Variants in C15orf61 observed in about 807,000 individuals in gnomAD.
The protein encoded by C15orf61 is chromosome 15 open reading frame 61.
C15orf61 carries 12 observed loss-of-function variants against 13.7 expected under a neutral mutation model. That is an observed-to-expected ratio of 0.88 (90% confidence interval 0.56 to 1.42). C15orf61 has a LOEUF of 1.42. C15orf61 is among the 40% of genes most tolerant of loss of function. The pLI is 0.00. For synonymous variants in C15orf61, 92 were observed against 94.1 expected (o/e 0.98, Z 0.13); for missense variants, 248 against 213.2 (o/e 1.16, Z -1.02).
At chr15:67,524,724 G>A (rs1341820922) in intron 1 of C15orf61, among the ~76,000 whole-genome samples, 1 of 152,052 alleles carries the variant, frequency 6.6e-6, no homozygotes, top group East Asian at 1.9e-4. Flanking sequence ...AGCACAAAGT[G>A]GTTCAGCAAA....
intron 1 of C15orf61, chr15:67,522,116 C>T (rs1183307465): frequency 1.4e-6 from 1 of 701,786 alleles, no homozygotes; most frequent in Admixed American, 2.0e-5. Context: ...ATAACAGCTT[C>T]CTGAGGTGCT....
chr15:67,521,566 C>T lies in C15orf61; in HGVS notation c.318C>T (p.Phe106=). ...PWQDLARQNR[F]FTALKVVNLG... ...AGGACCTGGCCCGGCAGAACCGCTT[C>T]TTCACGGCGCTCAAGGTCGTCAACC... Residue 106 remains phenylalanine, a synonymous_variant, in exon 1 of 2, where the codon TTC becomes TTT. Coordinates refer to ENST00000342683, the MANE Select transcript of C15orf61 (RefSeq NM_001143936.2). 2 of 1,539,780 alleles carry T rather than the reference C, an allele frequency of 1.3e-6. No individual in the cohort carries two copies. Among genetic ancestry groups the T allele is most frequent in the Non-Finnish European group, 1.8e-6 (2 of 1,140,516 alleles).
Position 67,528,755 on chromosome 15 carries a change from CCTTT to C in C15orf61, c.*2211_*2214del, listed in dbSNP as rs564991591. 1 of 152,164 alleles carries C rather than the reference CCTTT, an allele frequency of 6.6e-6. No individual in the cohort carries two copies. The highest frequency in any genetic ancestry group is 1.5e-5 in the Non-Finnish European group (1 of 68,030). 9.4% of individuals were successfully genotyped at this position (152,164 alleles called of 1,614,324 possible). On this transcript the variant is annotated 3_prime_UTR_variant, in exon 2 of 2. Coordinates refer to ENST00000342683, the MANE Select transcript of C15orf61 (RefSeq NM_001143936.2). ...TTGACCTCAGGCTAATAACTCTCCT[CCTTT>C]GTGTCTTGGTTTTTCCACCTGTAAT...
intron 1 of C15orf61, chr15:67,522,337 A>C: frequency 1.5e-6 from 1 of 669,360 alleles, no homozygotes. Context: ...CATAAAATCA[A>C]TCTAGATTTC....
At chr15:67,521,821 C>G in intron 1 of C15orf61, 1 of 614,460 alleles carries the variant, frequency 1.6e-6, no homozygotes, top group Non-Finnish European at 2.9e-6. Context: ...GGCGCGTCCT[C>G]GGGCCTAGGG....
rs914891333 is a variant in C15orf61, at chr15:67,528,414, A to C, written c.*1869A>C. On this transcript the variant is annotated 3_prime_UTR_variant, in exon 2 of 2. Transcript: ENST00000342683. ...TTGTCTGATGTGCTCACTGTATAAC[A>C]AGTAAATGTAATATTTTCTTGTATT... 1 of 152,224 alleles carries C rather than the reference A, an allele frequency of 6.6e-6. No individual in the cohort carries two copies. Among genetic ancestry groups the C allele is most frequent in the African/African-American group, 2.4e-5 (1 of 41,452 alleles). 9.4% of individuals were successfully genotyped at this position (152,224 alleles called of 1,614,324 possible).
rs556459555 is a variant in C15orf61, at chr15:67,530,115, G to C, written c.*3570G>C. ...AAAATGTAACTGCACTTTGCTGAAA[G>C]ATCAATGTCCAATAAAGGCTGCACG... On this transcript the variant is annotated 3_prime_UTR_variant, in exon 2 of 2. Transcript: ENST00000342683. 6.6e-6 allele frequency: 1 copy of C among 152,314 alleles called. No homozygotes were observed. Among genetic ancestry groups the C allele is most frequent in the African/African-American group, 2.4e-5 (1 of 41,568 alleles). 9.4% of individuals were successfully genotyped at this position (152,314 alleles called of 1,614,324 possible).
rs1175074322 is a variant in C15orf61, at chr15:67,527,421, C to T, written c.*876C>T. On this transcript the variant is annotated 3_prime_UTR_variant, in exon 2 of 2. Transcript: ENST00000342683. ...ATTAACTTAATTGCATTTTTGAAAGCCAAGTCATTTAAAAAAATGTATCCT... is the reference window on the plus strand; with the variant it reads ...ATTAACTTAATTGCATTTTTGAAAGTCAAGTCATTTAAAAAAATGTATCCT... 6.6e-6 allele frequency: 1 copy of T among 151,960 alleles called. No homozygotes were observed. Among genetic ancestry groups the T allele is most frequent in the Non-Finnish European group, 1.5e-5 (1 of 67,950 alleles). The allele number at this position is 151,960 out of a possible 1,614,324, so 9.4% of individuals were successfully genotyped here.
In C15orf61 at chr15:67,521,324, G is replaced by T; in HGVS notation, c.76G>T (p.Ala26Ser). Reference protein sequence around the residue: ...LCRPWASRAAARPKPSASEVL... With the variant: ...LCRPWASRAASRPKPSASEVL... ...TAGGCCGTGGGCCTCGCGCGCCGCC[G>T]CCCGCCCCAAGCCCAGCGCCTCGGA... Residue 26 changes from alanine (A) to serine (S), a missense_variant, in exon 1 of 2, where the codon GCC (alanine) becomes TCC (serine). Transcript: ENST00000342683. 6.5e-7 allele frequency: 1 copy of T among 1,529,386 alleles called. No individual in the cohort carries two copies. The allele number at this position is 1,529,386 out of a possible 1,614,324, so 94.7% of individuals were successfully genotyped here.
rs2140929492 is a variant in C15orf61, at chr15:67,528,896, T to TA, written c.*2354dup. 6.6e-6 allele frequency: 1 copy of TA among 152,328 alleles called. No individual in the cohort carries two copies. The highest frequency in any genetic ancestry group is 2.1e-4 in the South Asian group (1 of 4,826). 9.4% of individuals were successfully genotyped at this position (152,328 alleles called of 1,614,324 possible). A position where few individuals can be genotyped will look rare whatever the true frequency, so the allele number is the denominator to read the frequency against. On this transcript the variant is annotated 3_prime_UTR_variant, in exon 2 of 2. Transcript: ENST00000342683. ...CCACATTCTTCTGCTCCATTATACT[T>TA]AAAGGACTTCATTAATTAAAAAATT...
chr15:67,522,790 C>T (rs2084175829), intron 1 of C15orf61, among the ~76,000 whole-genome samples: 2 of 152,142 alleles, frequency 1.3e-5, no homozygotes, highest in Admixed American at 6.5e-5. Context: ...AATCATTCTT[C>T]CCTAAAGAAT....
At position 67,530,047 on chromosome 15, in the gene C15orf61, G is replaced by C. The variant is rs914668979; in HGVS notation, c.*3502G>C. On this transcript the variant is annotated 3_prime_UTR_variant, in exon 2 of 2. Coordinates refer to ENST00000342683, the MANE Select transcript of C15orf61 (RefSeq NM_001143936.2). Reference sequence around the variant, plus strand: ...GCATTACATCTCACCTGGGTCAACAGTCTAGAGTATCAGAGTTAAACTCTG... The same window carrying C: ...GCATTACATCTCACCTGGGTCAACACTCTAGAGTATCAGAGTTAAACTCTG... 6.6e-6 allele frequency: 1 copy of C among 152,238 alleles called. No homozygotes were observed. The highest frequency in any genetic ancestry group is 2.4e-5 in the African/African-American group (1 of 41,458). The allele number at this position is 152,238 out of a possible 1,614,324, so 9.4% of individuals were successfully genotyped here. A position where few individuals can be genotyped will look rare whatever the true frequency, so the allele number is the denominator to read the frequency against.
At chr15:67,522,490 CTG>C (rs1596528239) in intron 1 of C15orf61, among the ~76,000 whole-genome samples, 1 of 152,228 alleles carries the variant, frequency 6.6e-6, no homozygotes, top group African/African-American at 2.4e-5. Flanking sequence ...TAAAAATAGT[CTG>C]TGTATTTGTG....
chr15:67,526,560 G>C lies in C15orf61; in HGVS notation c.*15G>C. ...CCATGTATTGAAAGTGTGCGTCAAA[G>C]AACATAAATATCAGTGGATTTTCTC... On this transcript the variant is annotated 3_prime_UTR_variant, in exon 2 of 2. Coordinates refer to ENST00000342683, the MANE Select transcript of C15orf61 (RefSeq NM_001143936.2). The C allele has an allele frequency of 4.7e-6, 7 of 1,498,704 alleles. No homozygotes were observed. Among genetic ancestry groups the C allele is most frequent in the Non-Finnish European group, 6.2e-6 (7 of 1,120,802 alleles). The allele number at this position is 1,498,704 out of a possible 1,614,324, so 92.8% of individuals were successfully genotyped here. A position where few individuals can be genotyped will look rare whatever the true frequency, so the allele number is the denominator to read the frequency against.
intron 1 of C15orf61, chr15:67,522,051 G>A (rs1267626701): frequency 1.4e-6 from 1 of 700,430 alleles, no homozygotes. Flanking sequence ...TGTTTTCTTT[G>A]TATGAATTCC....
In C15orf61 at chr15:67,521,595, G is replaced by T; in HGVS notation, c.346+1G>T. The T allele has an allele frequency of 7.2e-6, 11 of 1,518,994 alleles. No individual in the cohort carries two copies. The highest frequency in any genetic ancestry group is 9.8e-6 in the Non-Finnish European group (11 of 1,126,134). The allele number at this position is 1,518,994 out of a possible 1,614,324, so 94.1% of individuals were successfully genotyped here. A position where few individuals can be genotyped will look rare whatever the true frequency, so the allele number is the denominator to read the frequency against. On this transcript the variant is annotated splice_donor_variant, in intron 1 of 1. Transcript: ENST00000342683. LOFTEE classifies it high-confidence loss of function. The stretch of plus-strand genomic sequence containing the variant: ...ACGGCGCTCAAGGTCGTCAACCTCG[G>T]TGAGTGGCGACTGCCGCGCCCACGC...
chr15:67,521,626 A>G, intron 1 of C15orf61, 32 bp downstream of exon 1: 1 of 1,461,526 alleles, frequency 6.8e-7, no homozygotes, highest in African/African-American at 1.4e-5. Context: ...CACGCGGTGA[A>G]GCCCGCCCGG....
chr15:67,528,772 T>C lies in C15orf61; in HGVS notation c.*2227T>C. On this transcript the variant is annotated 3_prime_UTR_variant, in exon 2 of 2. Transcript: ENST00000342683. ...ACTCTCCTCCTTTGTGTCTTGGTTTTTCCACCTGTAATCTGAGAAGAACGA... is the reference window on the plus strand; with the variant it reads ...ACTCTCCTCCTTTGTGTCTTGGTTTCTCCACCTGTAATCTGAGAAGAACGA... 1 of 152,222 alleles carries C rather than the reference T, an allele frequency of 6.6e-6. No homozygotes were observed. Among genetic ancestry groups the C allele is most frequent in the East Asian group, 1.9e-4 (1 of 5,202 alleles). The allele number at this position is 152,222 out of a possible 1,614,324, so 9.4% of individuals were successfully genotyped here. A position where few individuals can be genotyped will look rare whatever the true frequency, so the allele number is the denominator to read the frequency against.
Position 67,526,759 on chromosome 15 carries a change from A to G in C15orf61, c.*214A>G, listed in dbSNP as rs943096383. On this transcript the variant is annotated 3_prime_UTR_variant, in exon 2 of 2. Coordinates refer to ENST00000342683, the MANE Select transcript of C15orf61 (RefSeq NM_001143936.2). ...TTTAGCTGATGTGAACTACAAACACATGAAGCTTCACACCATTTTTTCCCT... is the reference window on the plus strand; with the variant it reads ...TTTAGCTGATGTGAACTACAAACACGTGAAGCTTCACACCATTTTTTCCCT... The G allele has an allele frequency of 5.8e-5, 21 of 364,554 alleles. No individual in the cohort carries two copies. Among genetic ancestry groups the G allele is most frequent in the African/African-American group, 3.3e-4 (16 of 47,944 alleles). The allele number at this position is 364,554 out of a possible 1,614,324, so 22.6% of individuals were successfully genotyped here. A position where few individuals can be genotyped will look rare whatever the true frequency, so the allele number is the denominator to read the frequency against.
Sources: gnomAD v4.1 joint callset for allele counts (sites outside exome capture counted in the v4.1 genomes callset) on GRCh38, gnomAD v4.1.1 for gene constraint, MANE v1.5 for transcripts, NCBI Gene and HGNC (gene_info 2026-07-23, HGNC 2026-07-21) for gene names.